Variants in PLA1A observed in about 807,000 individuals in gnomAD.
PLA1A encodes the protein phosphatidylserine-specific phospholipase A1alpha.
A neutral mutation model predicts 49.4 loss-of-function variants in PLA1A; 47 were observed. The ratio of observed to expected loss-of-function variants is 0.95; its 90% CI spans 0.75 to 1.21. The LOEUF is 1.21. PLA1A is among the 50% of genes most tolerant of loss of function. The probability of loss-of-function intolerance (pLI) is 0.00; values close to 1 mark genes in which losing one functional copy is unlikely to be tolerated. For missense variants in PLA1A, 561 were observed against 563.9 expected, an observed-to-expected ratio of 0.99 and a Z score of 0.05; for synonymous variants, 224 against 207.9, an observed-to-expected ratio of 1.08 and a Z score of -0.67.
Position 119,608,910 on chromosome 3 carries a change from T to C in PLA1A, c.416T>C (p.Leu139Ser). The C allele has an allele frequency of 6.2e-7, 1 of 1,614,162 alleles. No individual in the cohort carries two copies. Among genetic ancestry groups the C allele is most frequent in the South Asian group, 1.1e-5 (1 of 91,082 alleles). ...TCAGCTGTGAAAAATGTGATTAAGT[T>C]GAGCCTCGAGATCTCCCTTTTCCTC... ...YFSAVKNVIK[L>S]SLEISLFLNK... Residue 139 changes from leucine to serine, a missense_variant, in exon 3 of 11, where the codon TTG (leucine) becomes TCG (serine). Physicochemically the swap from Leu to Ser is moderately radical, Grantham distance 145. Coordinates refer to ENST00000273371, the MANE Select transcript of PLA1A (RefSeq NM_015900.4).
intron 1 of PLA1A, among the ~76,000 whole-genome samples, chr3:119,603,339 A>G (rs2082642631): frequency 1.3e-5 from 2 of 152,346 alleles, no homozygotes; most frequent in South Asian, 4.1e-4. Flanking sequence ...CTGATGGTCA[A>G]GCCAACAGAA....
chr3:119,605,444 C>G (rs1370774817), intron 1 of PLA1A, among the ~76,000 whole-genome samples: 5 of 152,264 alleles, frequency 3.3e-5, no homozygotes, highest in Admixed American at 3.3e-4. Flanking sequence ...GATCCACACT[C>G]CTGTTGTATA....
chr3:119,610,481 A>G (rs1476041772), intron 4 of PLA1A, among the ~76,000 whole-genome samples: 1 of 152,132 alleles, frequency 6.6e-6, no homozygotes, highest in Non-Finnish European at 1.5e-5. Context: ...AGCCTTGCCA[A>G]CATCTATTTA....
chr3:119,629,363 C>G (rs776685461), intron 10 of PLA1A, 21 bp from the exon 11 acceptor site: 3 of 1,476,098 alleles, frequency 2.0e-6, no homozygotes, highest in Non-Finnish European at 2.8e-6. Flanking sequence ...CCACTGCTCT[C>G]TTATTGCTCT....
chr3:119,599,862 C>G (rs1475216713), intron 1 of PLA1A, among the ~76,000 whole-genome samples: 1 of 152,204 alleles, frequency 6.6e-6, no homozygotes, highest in Non-Finnish European at 1.5e-5. Flanking sequence ...GAGTGTTTCA[C>G]TGTCAACAGC....
intron 2 of PLA1A, among the ~76,000 whole-genome samples, chr3:119,608,313 CAAAG>C (rs2082722030): frequency 6.6e-6 from 1 of 150,560 alleles, no homozygotes; most frequent in African/African-American, 2.4e-5. Flanking sequence ...AAAATGTCCA[CAAAG>C]AAAGAGCCTA....
At chr3:119,622,001 T>G (rs751763986) in intron 8 of PLA1A, among the ~76,000 whole-genome samples, 6 of 152,066 alleles carry the variant, frequency 3.9e-5, no homozygotes, top group Admixed American at 6.6e-5. Flanking sequence ...GGAGGGTTGC[T>G]TGAGGAGAGG....
intron 7 of PLA1A, among the ~76,000 whole-genome samples, chr3:119,618,852 A>G (rs774533532): frequency 4.6e-5 from 7 of 152,118 alleles, no homozygotes; most frequent in Non-Finnish European, 5.9e-5. Flanking sequence ...CCTGGCTGCC[A>G]CTCAACTGCA....
rs778693634 is a variant in PLA1A, at chr3:119,629,401, T to TA, written c.1305dup (p.Pro436ThrfsTer2). On this transcript the variant is annotated frameshift_variant, in exon 11 of 11. Transcript: ENST00000273371. LOFTEE classifies it high-confidence loss of function. ...TCTTCCAGAGAAAAGATGGTCTGCTTACCTGAACCAGTGAACTTACAAGCA... is the reference window on the plus strand; with the variant it reads ...TCTTCCAGAGAAAAGATGGTCTGCTTAACCTGAACCAGTGAACTTACAAGCA... 2 of 1,608,860 alleles carry TA rather than the reference T, an allele frequency of 1.2e-6. No homozygotes were observed. Among genetic ancestry groups the TA allele is most frequent in the Non-Finnish European group, 8.5e-7 (1 of 1,175,248 alleles).
intron 4 of PLA1A, 57 bp from the exon 5 acceptor site, chr3:119,612,959 CA>C: frequency 8.9e-7 from 1 of 1,123,264 alleles, no homozygotes; most frequent in Non-Finnish European, 1.3e-6. Context: ...GTGGTGGGTC[CA>C]TGAATGTTCC....
intron 2 of PLA1A, among the ~76,000 whole-genome samples, chr3:119,607,647 G>C (rs529121458): frequency 6.6e-6 from 1 of 152,344 alleles, no homozygotes; most frequent in Admixed American, 6.5e-5. Context: ...TCTCTGGCCT[G>C]TCTCCGCCTC....
At chr3:119,618,278 C>A in intron 7 of PLA1A, 92 bp downstream of exon 7, 1 of 1,090,694 alleles carries the variant, frequency 9.2e-7, no homozygotes, top group Non-Finnish European at 1.3e-6. Context: ...GTCCTATGGT[C>A]AAGAATTCTA....
At chr3:119,611,669 G>T (rs757442997) in intron 4 of PLA1A, among the ~76,000 whole-genome samples, 2 of 152,140 alleles carry the variant, frequency 1.3e-5, no homozygotes, top group Admixed American at 6.5e-5. Context: ...GAATGTTATT[G>T]GTACATAGAA....
chr3:119,612,577 C>T (rs982746080), intron 4 of PLA1A, among the ~76,000 whole-genome samples: 2 of 151,996 alleles, frequency 1.3e-5, no homozygotes, highest in Non-Finnish European at 2.9e-5. Flanking sequence ...CAACCTCTGT[C>T]TCCCGGGTTC....
rs2082791505 is a variant in PLA1A, at chr3:119,613,052, A to T, written c.598A>T (p.Ser200Cys). Residue 200 changes from serine (S) to cysteine (C), a missense_variant, in exon 5 of 11, where the codon AGT (serine) becomes TGT (cysteine). Transcript: ENST00000273371. ...DPAGPEYTRA[S>C]VEERLDAGDA... Reference sequence around the variant, plus strand: ...CGCTGGACCTGAGTACACCAGGGCCAGTGTGGAAGAGCGCTTGGATGCTGG... The same window carrying T: ...CGCTGGACCTGAGTACACCAGGGCCTGTGTGGAAGAGCGCTTGGATGCTGG... 3 of 1,607,658 alleles carry T rather than the reference A, an allele frequency of 1.9e-6. No homozygotes were observed. The highest frequency in any genetic ancestry group is 2.5e-6 in the Non-Finnish European group (3 of 1,176,772).
At chr3:119,623,202 C>T (rs992898987) in intron 8 of PLA1A, among the ~76,000 whole-genome samples, 1 of 152,008 alleles carries the variant, frequency 6.6e-6, no homozygotes, top group Admixed American at 6.6e-5. Flanking sequence ...AGTGTGGTGG[C>T]ACAGTCACGG....
At chr3:119,612,582 G>A (rs1207515299) in intron 4 of PLA1A, among the ~76,000 whole-genome samples, 6 of 151,912 alleles carry the variant, frequency 3.9e-5, no homozygotes, top group African/African-American at 7.3e-5. Flanking sequence ...TCTGTCTCCC[G>A]GGTTCACGCC....
At chr3:119,629,000 C>T (rs916276664) in intron 10 of PLA1A, 135 bp downstream of exon 10, 36 of 769,860 alleles carry the variant, frequency 4.7e-5, no homozygotes, top group South Asian at 1.4e-4. Context: ...GACAGACACC[C>T]GGTGTTTTCC....
intron 9 of PLA1A, 103 bp downstream of exon 9, chr3:119,625,335 T>C (rs1014356493): frequency 2.7e-6 from 2 of 738,980 alleles, no homozygotes; most frequent in East Asian, 2.7e-5. Context: ...TGATTGCTGA[T>C]GCATGGGCCC....
Sources: allele counts gnomAD v4.1 joint callset (sites outside exome capture counted in the v4.1 genomes callset), GRCh38; gene constraint gnomAD v4.1.1; transcripts MANE v1.5; gene names NCBI Gene and HGNC (gene_info 2026-07-23, HGNC 2026-07-21).